SYNM: variants seen among roughly 807,000 people sequenced by gnomAD.
SYNM encodes the protein synemin.
A neutral mutation model predicts 104.0 loss-of-function variants in SYNM; 95 were observed. The ratio of observed to expected loss-of-function variants is 0.91; its 90% confidence interval spans 0.77 to 1.08. The LOEUF is 1.08. SYNM is among the 50% of genes least tolerant of loss of function. The pLI, the probability that SYNM is intolerant of heterozygous loss-of-function variation, is 0.00. For synonymous variants in SYNM, 918 were observed against 869.0 expected, an observed-to-expected ratio of 1.06 and a Z score of -0.99; for missense variants, 2,150 against 2,052.2, an observed-to-expected ratio of 1.05 and a Z score of -0.92.
In SYNM at chr15:99,130,895, T is replaced by C. The variant is rs2067496509; in HGVS notation, c.2535T>C (p.Asp845=). ...AACACCCCGGGGGGCACGACAGAGA[T>C]GACGGCTCGGTGTACGGGCAGATCC... ...PDEHPGGHDR[D]DGSVYGQIHI... is the part of the protein sequence containing the mutation. The change falls in exon 4 of 4, where the codon GAT becomes GAC. Residue 845 remains aspartate, a synonymous_variant. Coordinates refer to ENST00000336292, the MANE Select transcript of SYNM (RefSeq NM_145728.3). 6.2e-7 allele frequency: 1 copy of C among 1,613,856 alleles called. No individual in the cohort carries two copies. The highest frequency in any genetic ancestry group is 1.3e-5 in the African/African-American group (1 of 74,994).
chr15:99,118,300 C>T (rs2067369134), intron 2 of SYNM, among the ~76,000 whole-genome samples: 1 of 152,244 alleles, frequency 6.6e-6, no homozygotes. Context: ...TGCTCCGATT[C>T]GGAGGACAGG....
At position 99,134,987 on chromosome 15, in the gene SYNM, G is replaced by T. The variant is rs1264081792; in HGVS notation, c.*1929G>T. On this transcript the variant is annotated 3_prime_UTR_variant, in exon 4 of 4. Transcript: ENST00000336292. Reference sequence around the variant, plus strand: ...ATGGTTTTTGGATAGATGATTGACTGGTGAGAATTTGGTCAAGGTGACAGC... The same window carrying T: ...ATGGTTTTTGGATAGATGATTGACTTGTGAGAATTTGGTCAAGGTGACAGC... 6.6e-6 allele frequency: 1 copy of T among 152,306 alleles called. No individual in the cohort carries two copies. Among genetic ancestry groups the T allele is most frequent in the African/African-American group, 2.4e-5 (1 of 41,440 alleles). 9.4% of individuals were successfully genotyped at this position (152,306 alleles called of 1,614,324 possible).
chr15:99,105,098 G>A lies in SYNM; in HGVS notation c.-102G>A, dbSNP rs561365359. The A allele has an allele frequency of 3.7e-6, 5 of 1,352,162 alleles. No individual in the cohort carries two copies. In the Admixed American group the frequency reaches 6.7e-5, roughly 18 times the overall value. 83.8% of individuals were successfully genotyped at this position (1,352,162 alleles called of 1,614,324 possible). ...GCGTCCCAGTCTGCGGGCCTCCGGGGCAGCGGCGAGGCCGGAGCGTCGCGG... is the reference window on the plus strand; with the variant it reads ...GCGTCCCAGTCTGCGGGCCTCCGGGACAGCGGCGAGGCCGGAGCGTCGCGG... On this transcript the variant is annotated 5_prime_UTR_variant, in exon 1 of 4. Transcript: ENST00000336292.
At position 99,131,126 on chromosome 15, in the gene SYNM, C is replaced by T. The variant is rs1254391610; in HGVS notation, c.2766C>T (p.Val922=). ...RSGEFHAEPT[V]IEKEIKIPHE... is the part of the protein sequence containing the mutation. ...GTGAATTTCATGCCGAACCCACAGT[C>T]ATTGAAAAAGAAATTAAAATACCCC... The change falls in exon 4 of 4, where the codon GTC becomes GTT. Residue 922 remains valine (V), a synonymous_variant. Transcript: ENST00000336292. This position sits in a 1 kb window ranked among gnomAD's most constrained non-coding sequence, Gnocchi z 4.3. The T allele has an allele frequency of 2.5e-6, 4 of 1,600,070 alleles. No individual in the cohort carries two copies. Among genetic ancestry groups the T allele is most frequent in the East Asian group, 2.3e-5 (1 of 44,362 alleles).
At position 99,130,836 on chromosome 15, in the gene SYNM, G is replaced by A. The variant is rs2067495264; in HGVS notation, c.2476G>A (p.Gly826Ser). ...AGTGACAGAGGCAGGTGATTCAGAG[G>A]GCGAGCAGAGTTATTTTGTGTCCAC... The part of the protein sequence containing the change: ...EEVTEAGDSE[G>S]EQSYFVSTPD... The change falls in exon 4 of 4, where the codon GGC becomes AGC. Residue 826 changes from glycine (G) to serine (S), a missense_variant. By Grantham distance (56) the Gly-to-Ser change is moderately conservative. Coordinates refer to ENST00000336292, the MANE Select transcript of SYNM (RefSeq NM_145728.3). The A allele has an allele frequency of 1.2e-6, 2 of 1,614,000 alleles. No individual in the cohort carries two copies. Among genetic ancestry groups the A allele is most frequent in the South Asian group, 2.2e-5 (2 of 91,082 alleles).
downstream of SYNM, chr15:99,139,233 C>G (rs782262574): frequency 3.3e-6 from 5 of 1,526,162 alleles, no homozygotes; most frequent in South Asian, 2.3e-5. Flanking sequence ...GAAGGTTACA[C>G]AGAACCTTCT....
In SYNM at chr15:99,113,620, G is replaced by T; in HGVS notation, c.840G>T (p.Lys280Asn). 1 of 1,613,598 alleles carries T rather than the reference G, an allele frequency of 6.2e-7. No homozygotes were observed. The highest frequency in any genetic ancestry group is 2.2e-5 in the East Asian group (1 of 44,876). The change falls in exon 2 of 4, where the codon AAG (lysine) becomes AAT (asparagine). Residue 280 changes from lysine to asparagine, a missense_variant. Coordinates refer to ENST00000336292, the MANE Select transcript of SYNM (RefSeq NM_145728.3). ...QRVIDCLEDE[K>N]ATLTLAMADW... ...TGATTGACTGCCTGGAGGATGAGAA[G>T]GCAACCCTCACCTTGGCCATGGCTG...
rs1555485957 is a variant in SYNM at position 99,131,684 on chromosome 15, C to A, written c.3324C>A (p.Pro1108=). The A allele has an allele frequency of 6.2e-7, 1 of 1,613,112 alleles. No individual in the cohort carries two copies. Among genetic ancestry groups the A allele is most frequent in the Non-Finnish European group, 8.5e-7 (1 of 1,179,756 alleles). ...PVSATVEVSS[P]TGFAQSQVLE... Reference sequence around the variant, plus strand: ...CGGCCACTGTGGAGGTCAGCAGCCCCACAGGCTTTGCCCAGTCACAGGTGC... The same window carrying A: ...CGGCCACTGTGGAGGTCAGCAGCCCAACAGGCTTTGCCCAGTCACAGGTGC... Residue 1108 remains proline (P), a synonymous_variant, in exon 4 of 4, where the codon CCC becomes CCA. Coordinates refer to ENST00000336292, the MANE Select transcript of SYNM (RefSeq NM_145728.3). This position sits in a 1 kb window ranked among gnomAD's most constrained non-coding sequence, Gnocchi z 4.3.
At position 99,131,712 on chromosome 15, in the gene SYNM, G is replaced by A. The variant is rs1235111158; in HGVS notation, c.3352G>A (p.Glu1118Lys). ...AGGCTTTGCCCAGTCACAGGTGCTGGAGGATGTGAGCCAGGCTGCAAGGCA... is the reference window on the plus strand; with the variant it reads ...AGGCTTTGCCCAGTCACAGGTGCTGAAGGATGTGAGCCAGGCTGCAAGGCA... ...PTGFAQSQVL[E>K]DVSQAARHIK... Residue 1118 changes from glutamate to lysine, a missense_variant, in exon 4 of 4, where the codon GAG (glutamate) becomes AAG (lysine). Glu to Lys is a moderately conservative substitution (Grantham distance 56). Coordinates refer to ENST00000336292, the MANE Select transcript of SYNM (RefSeq NM_145728.3). The surrounding 1 kb of genome is among the most constrained non-coding windows in gnomAD (Gnocchi z 4.3). The A allele has an allele frequency of 4.3e-6, 7 of 1,613,668 alleles. No homozygotes were observed. Among genetic ancestry groups the A allele is most frequent in the Non-Finnish European group, 5.9e-6 (7 of 1,179,888 alleles).
Position 99,132,174 on chromosome 15 carries a change from G to A in SYNM, c.3814G>A (p.Gly1272Arg), listed in dbSNP as rs1555486069. ...VRQLQLGPKE[G>R]FSGQIQFTAP... ...GCAACTCCAGTTAGGCCCTAAAGAA[G>A]GGTTCAGTGGGCAAATCCAGTTCAC... The change falls in exon 4 of 4, where the codon GGG (glycine) becomes AGG (arginine). Residue 1272 changes from glycine (G) to arginine (R), a missense_variant. By Grantham distance (125) the Gly-to-Arg change is moderately radical. Coordinates refer to ENST00000336292, the MANE Select transcript of SYNM (RefSeq NM_145728.3). 1.2e-6 allele frequency: 2 copies of A among 1,613,940 alleles called. No individual in the cohort carries two copies. The highest frequency in any genetic ancestry group is 3.3e-5 in the Admixed American group (2 of 60,030).
rs2067512825 is a variant in SYNM, at chr15:99,131,862, A to G, written c.3502A>G (p.Ser1168Gly). ...TCAGGCAGCGAGCCCGACCGGAGCC[A>G]GCCGGTCTGTGAGGCATGTCACGCT... ...LSQAASPTGA[S>G]RSVRHVTLGP... The change falls in exon 4 of 4, where the codon AGC becomes GGC. Residue 1168 changes from serine to glycine, a missense_variant. By Grantham distance (56) the Ser-to-Gly change is moderately conservative. Coordinates refer to ENST00000336292, the MANE Select transcript of SYNM (RefSeq NM_145728.3). This position sits in a 1 kb window ranked among gnomAD's most constrained non-coding sequence, Gnocchi z 4.3. 2 of 1,613,958 alleles carry G rather than the reference A, an allele frequency of 1.2e-6. No homozygotes were observed. The highest frequency in any genetic ancestry group is 1.7e-6 in the Non-Finnish European group (2 of 1,179,902).
At chr15:99,125,283 G>A (rs953798583) in intron 2 of SYNM, among the ~76,000 whole-genome samples, 2 of 152,184 alleles carry the variant, frequency 1.3e-5, no homozygotes, top group Non-Finnish European at 2.9e-5. Flanking sequence ...CTTTTACCCC[G>A]AATGTTCCTC....
In SYNM at chr15:99,132,448, A is replaced by G. The variant is rs781860383; in HGVS notation, c.4088A>G (p.Gln1363Arg). 2.5e-6 allele frequency: 4 copies of G among 1,613,916 alleles called. No homozygotes were observed. Among genetic ancestry groups the G allele is most frequent in the Non-Finnish European group, 3.4e-6 (4 of 1,179,908 alleles). ...ACTCACAGTCATACCTCGGGTAGAC[A>G]AACCGTTATGACTGAAAAGAGCACC... is the stretch of plus-strand genomic sequence containing the variant. ...QATHSHTSGRQTVMTEKSTFQ... is the reference protein window; with the variant it reads ...QATHSHTSGRRTVMTEKSTFQ... Residue 1363 changes from glutamine to arginine, a missense_variant, in exon 4 of 4, where the codon CAA becomes CGA. Physicochemically the swap from Gln to Arg is conservative, Grantham distance 43. Transcript: ENST00000336292.
chr15:99,105,476 C>A lies in SYNM; in HGVS notation c.277C>A (p.Arg93=), dbSNP rs1249562508. 4.3e-6 allele frequency: 6 copies of A among 1,382,664 alleles called. No homozygotes were observed. Among genetic ancestry groups the A allele is most frequent in the Non-Finnish European group, 5.6e-6 (6 of 1,071,896 alleles). The allele number at this position is 1,382,664 out of a possible 1,614,324, so 85.6% of individuals were successfully genotyped here. ...GCGGGACGCTCTGCGGCGCGAGCTG[C>A]GGGAGCTGCAGCGCCTGGATGCGGA... ...GERDALRREL[R]ELQRLDAEER... Residue 93 remains arginine, a synonymous_variant, in exon 1 of 4, where the codon CGG becomes AGG. Coordinates refer to ENST00000336292, the MANE Select transcript of SYNM (RefSeq NM_145728.3).
Position 99,128,001 on chromosome 15 carries a change from CTTCATTCATTCA to C in SYNM, c.1006+1232_1006+1243del, listed in dbSNP as rs57585643. Among the ~76,000 whole-genome samples the C allele has an allele frequency of 1.3e-4, 20 of 151,152 alleles. 1 individual carries two copies. The East Asian group carries it at 2.5e-3, about 19-fold the overall frequency. On this transcript the variant is annotated intron_variant, in intron 3 of 3. Transcript: ENST00000336292. ...GCTAACAGCTGTTGCTGTTAACTTG[CTTCATTCATTCA>C]TTCATTCATTCATTCATTCATTATT...
chr15:99,113,245 G>A (rs1387479619), intron 1 of SYNM, among the ~76,000 whole-genome samples: 5 of 152,260 alleles, frequency 3.3e-5, no homozygotes, highest in Middle Eastern at 3.4e-3. Context: ...TTTCCATAGC[G>A]TCTTAGTGAC....
intron 2 of SYNM, among the ~76,000 whole-genome samples, chr15:99,122,786 C>T (rs1055559449): frequency 6.6e-6 from 1 of 152,194 alleles, no homozygotes. Flanking sequence ...TTGCCGTGAG[C>T]TGAGATGGCA....
Position 99,129,681 on chromosome 15 carries a change from C to T in SYNM, c.1321C>T (p.Gln441Ter), listed in dbSNP as rs2067479964. The change falls in exon 4 of 4, where the codon CAA becomes TAA. Residue 441 changes from glutamine (Q) to a stop codon, truncating the protein, a stop_gained. Coordinates refer to ENST00000336292, the MANE Select transcript of SYNM (RefSeq NM_145728.3). LOFTEE classifies it low-confidence loss of function (END_TRUNC). ...TYGLLRNTEA[Q>*]VKTFPDRPKA... ...TGGCCTTTTAAGAAATACTGAGGCT[C>T]AAGTGAAAACATTCCCTGACAGACC... is the stretch of plus-strand genomic sequence containing the variant. The T allele has an allele frequency of 6.2e-7, 1 of 1,613,778 alleles. No homozygotes were observed. The highest frequency in any genetic ancestry group is 1.1e-5 in the South Asian group (1 of 91,080).
In SYNM at chr15:99,131,965, C is replaced by G; in HGVS notation, c.3605C>G (p.Ser1202Trp). ...PAPACPEAWG[S>W]PEPGPAESSA... is the part of the protein sequence containing the mutation. ...CCTGCCTGTCCAGAGGCATGGGGCT[C>G]GCCAGAACCTGGCCCAGCAGAGTCT... is the stretch of plus-strand genomic sequence containing the variant. Residue 1202 changes from serine (S) to tryptophan (W), a missense_variant, in exon 4 of 4, where the codon TCG (serine) becomes TGG (tryptophan). By Grantham distance (177) the Ser-to-Trp change is radical. Coordinates refer to ENST00000336292, the MANE Select transcript of SYNM (RefSeq NM_145728.3). The surrounding 1 kb of genome is among the most constrained non-coding windows in gnomAD (Gnocchi z 4.3). The G allele has an allele frequency of 1.9e-6, 3 of 1,613,914 alleles. No individual in the cohort carries two copies. The highest frequency in any genetic ancestry group is 2.5e-6 in the Non-Finnish European group (3 of 1,179,892).
Sources: allele counts gnomAD v4.1 joint callset (sites outside exome capture counted in the v4.1 genomes callset), GRCh38; gene constraint gnomAD v4.1.1; non-coding constraint Gnocchi (gnomAD v3.1); transcripts MANE v1.5; gene names NCBI Gene and HGNC (gene_info 2026-07-23, HGNC 2026-07-21).